The following IQSEC2 variants were observed in gnomAD, a reference collection of about 807,000 sequenced individuals.
IQSEC2 encodes IQ motif and Sec7 domain ArfGEF 2, also known as IQ motif and SEC7 domain-containing protein 2.
In IQSEC2, 6 loss-of-function variants were observed where a neutral mutation model predicts 74.6. The ratio of observed to expected loss-of-function variants is 0.08; its 90% CI spans 0.04 to 0.16. The LOEUF (loss-of-function observed/expected upper bound fraction) is 0.16. Among genes scored for constraint, IQSEC2 ranks in the 10% least tolerant of loss-of-function variants. The probability of loss-of-function intolerance (pLI) is 1.00; values close to 1 mark genes in which losing one functional copy is unlikely to be tolerated. For synonymous variants in IQSEC2, 494 were observed against 544.5 expected (o/e 0.91, Z 1.29); for missense variants, 734 against 1,306.2 (o/e 0.56, Z 6.75).
chrX:53,306,385 T>G (rs1556876646), intron 1 of IQSEC2, among the ~76,000 whole-genome samples: 1 of 111,014 alleles, frequency 9.0e-6, no homozygotes, highest in African/African-American at 3.3e-5. Context: ...AACCCAGGTG[T>G]CCGGTTCCTC....
intron 4 of IQSEC2, among the ~76,000 whole-genome samples, chrX:53,253,853 A>G (rs1001913529): frequency 5.4e-5 from 6 of 111,665 alleles, no homozygotes; most frequent in Non-Finnish European, 1.1e-4. Flanking sequence ...GTCTGCTGTG[A>G]GGCATATACA....
At chrX:53,274,619 G>A (rs1387140799) in intron 2 of IQSEC2, among the ~76,000 whole-genome samples, 2 of 107,574 alleles carry the variant, frequency 1.9e-5, no homozygotes, top group African/African-American at 3.4e-5. Flanking sequence ...CCGCCACCAC[G>A]CCTGGCTAAT....
At chrX:53,231,236 G>A (rs782541906), downstream of IQSEC2, 20 of 111,559 alleles carry the variant, frequency 1.8e-4, no homozygotes, top group African/African-American at 6.5e-4. Flanking sequence ...CACATTTTGT[G>A]AAGGATGGGT....
chrX:53,243,232 G>A (rs2074251688), intron 9 of IQSEC2, 100 bp downstream of exon 9: 2 of 709,718 alleles, frequency 2.8e-6, no homozygotes, highest in Admixed American at 2.7e-5. Context: ...TGTATTGCAG[G>A]TAAAGGGCAC....
chrX:53,319,791 G>C (rs2075410998), intron 1 of IQSEC2, among the ~76,000 whole-genome samples: 1 of 110,788 alleles, frequency 9.0e-6, no homozygotes, highest in African/African-American at 3.3e-5. Context: ...AGGGTGGAGA[G>C]GGGGTGGACT....
At chrX:53,318,509 A>T (rs1383015756) in intron 1 of IQSEC2, among the ~76,000 whole-genome samples, 1 of 111,902 alleles carries the variant, frequency 8.9e-6, no homozygotes, top group East Asian at 2.8e-4. Flanking sequence ...ATGGAATCCC[A>T]TAACTGGGGA....
intron 3 of IQSEC2, among the ~76,000 whole-genome samples, chrX:53,255,350 A>G (rs1556864862): frequency 8.9e-6 from 1 of 111,758 alleles, no homozygotes. Context: ...CCAAACACCT[A>G]AGCATAACTA....
chrX:53,315,052 G>T (rs1444477371), intron 1 of IQSEC2, among the ~76,000 whole-genome samples: 3 of 111,738 alleles, frequency 2.7e-5, no homozygotes, highest in African/African-American at 9.8e-5. Flanking sequence ...ATAACCTCGG[G>T]CAGGTCACTG....
At chrX:53,313,185 T>C (rs1219972655) in intron 1 of IQSEC2, among the ~76,000 whole-genome samples, 4 of 112,415 alleles carry the variant, frequency 3.6e-5, no homozygotes, top group African/African-American at 1.3e-4. Flanking sequence ...CTTTCCAGCC[T>C]GATCAGGACC....
Position 53,251,078 on chromosome X carries a change from C to G in IQSEC2, c.1498G>C (p.Glu500Gln), listed in dbSNP as rs202076203. The G allele has an allele frequency of 3.4e-5, 41 of 1,210,056 alleles. No homozygotes were observed. Among genetic ancestry groups the G allele is most frequent in the Non-Finnish European group, 2.6e-5 (23 of 895,186 alleles). The change falls in exon 5 of 15, where the codon GAG becomes CAG. Residue 500 changes from glutamate to glutamine, a missense_variant. Around this residue, in one of 12 missense-constraint regions of IQSEC2, gnomAD observed 204 missense variants for 305.4 expected, o/e 0.67. Coordinates refer to ENST00000642864, the MANE Select transcript of IQSEC2 (RefSeq NM_001111125.3). ...EPGSAQLEKR[E>Q]SKEQQEDSSA... is the part of the protein sequence containing the mutation. ...CTGTCCTCTTGCTGTTCCTTTGACT[C>G]CCGCTTCTCCAGCTGGGCTGACCCT...
intron 1 of IQSEC2, among the ~76,000 whole-genome samples, chrX:53,300,843 C>G (rs1381244808): frequency 3.6e-5 from 4 of 111,234 alleles, no homozygotes; most frequent in Non-Finnish European, 7.5e-5. Flanking sequence ...TTAAGTCCAT[C>G]GTGGTATATC....
At chrX:53,274,226 G>A (rs1556869076) in intron 2 of IQSEC2, among the ~76,000 whole-genome samples, 2 of 110,939 alleles carry the variant, frequency 1.8e-5, no homozygotes, top group East Asian at 5.6e-4. Context: ...TGGCCAAGTT[G>A]AGGTCCTTCT....
intron 2 of IQSEC2, among the ~76,000 whole-genome samples, chrX:53,276,599 TA>T (rs1326021209): frequency 8.9e-6 from 1 of 112,620 alleles, no homozygotes. Context: ...ATAACAGTGA[TA>T]GCAGCCATCC....
intron 14 of IQSEC2, among the ~76,000 whole-genome samples, 159 bp downstream of exon 14, chrX:53,235,624 C>CA (rs1267545708): frequency 9.0e-6 from 1 of 111,427 alleles, no homozygotes. Context: ...TGAGGACAGA[C>CA]AGAGTTGAGG....
chrX:53,318,449 A>G (rs2075399212), intron 1 of IQSEC2, among the ~76,000 whole-genome samples: 1 of 112,354 alleles, frequency 8.9e-6, no homozygotes, highest in Non-Finnish European at 1.9e-5. Context: ...ACAGGCAACC[A>G]GTCAGCCAAG....
At chrX:53,288,568 C>G (rs1663575518) in intron 2 of IQSEC2, among the ~76,000 whole-genome samples, 1 of 111,766 alleles carries the variant, frequency 8.9e-6, no homozygotes, top group Non-Finnish European at 1.9e-5. Flanking sequence ...GTCCTGCCCT[C>G]TCTGTTTTCA....
chrX:53,233,667 G>A lies in IQSEC2; in HGVS notation c.*552C>T, dbSNP rs1015089060. 10 of 276,485 alleles carry A rather than the reference G, an allele frequency of 3.6e-5. No homozygotes were observed. The highest frequency in any genetic ancestry group is 4.9e-4 in the South Asian group (2 of 4,061). 22.8% of individuals were successfully genotyped at this position (276,485 alleles called of 1,213,427 possible). A position where few individuals can be genotyped will look rare whatever the true frequency, so the allele number is the denominator to read the frequency against. ...CACCCACCAAGTGCATCAATGGTCC[G>A]TGTCCTCCAGCAGGCAAAAAGACAC... On this transcript the variant is annotated 3_prime_UTR_variant, in exon 15 of 15. Coordinates refer to ENST00000642864, the MANE Select transcript of IQSEC2 (RefSeq NM_001111125.3).
intron 2 of IQSEC2, among the ~76,000 whole-genome samples, chrX:53,285,041 T>C (rs1343262692): frequency 3.6e-5 from 4 of 112,206 alleles, no homozygotes; most frequent in Non-Finnish European, 7.5e-5. Context: ...GATACTCCTT[T>C]AGTTCTTCAC....
intron 1 of IQSEC2, among the ~76,000 whole-genome samples, chrX:53,302,948 G>A (rs1556875782): frequency 1.8e-5 from 2 of 111,596 alleles, no homozygotes; most frequent in East Asian, 5.6e-4. Context: ...TGTGCCTATA[G>A]TCCCAGCTAC....
Sources: gnomAD v4.1 joint callset for allele counts (sites outside exome capture counted in the v4.1 genomes callset) on GRCh38, gnomAD v4.1.1 for gene constraint, gnomAD v4.1.1 regional missense constraint, MANE v1.5 for transcripts, NCBI Gene and HGNC (gene_info 2026-07-23, HGNC 2026-07-21) for gene names.